Variants in RTF2 observed in about 807,000 individuals in gnomAD.
RTF2 encodes UPF0549 protein C20orf43.
RTF2 carries 18 observed loss-of-function variants against 38.0 expected under a neutral mutation model. That is an observed-to-expected ratio of 0.47 (90% confidence interval 0.33 to 0.70). The LOEUF is 0.70. RTF2 is among the 30% of genes least tolerant of loss of function. The pLI is 0.02. For missense variants in RTF2, 311 were observed against 379.6 expected (o/e 0.82, Z 1.50); for synonymous variants, 126 against 137.1 (o/e 0.92, Z 0.57).
At chr20:56,498,714 T>C (rs79863442) in intron 5 of RTF2, among the ~76,000 whole-genome samples, 1 of 152,230 alleles carries the variant, frequency 6.6e-6, no homozygotes, top group African/African-American at 2.4e-5. Context: ...GGGAAGAAGA[T>C]TGATAGGTAA....
chr20:56,510,047 A>G (rs189527299), intron 5 of RTF2, among the ~76,000 whole-genome samples: 130 of 152,226 alleles, frequency 8.5e-4, no homozygotes, highest in Non-Finnish European at 1.5e-3. Context: ...AGAAGAGGCA[A>G]ATTTGTAGGA....
In RTF2 at chr20:56,514,536, G is replaced by A. The variant is rs561080429; in HGVS notation, c.591+1108G>A. The stretch of plus-strand genomic sequence containing the variant: ...ACCAGTGCCAGTCCGAGGCGAGAGT[G>A]ATGGAGTACCTGAAGATTTTTCAGA... On this transcript the variant is annotated intron_variant, in intron 6 of 8. Coordinates refer to ENST00000357348, the MANE Select transcript of RTF2 (RefSeq NM_016407.5). Among the ~76,000 whole-genome samples the A allele has an allele frequency of 7.9e-5, 12 of 152,276 alleles. No individual in the cohort carries two copies. In the East Asian group the frequency reaches 1.9e-3, roughly 25 times the overall value.
intron 4 of RTF2, among the ~76,000 whole-genome samples, chr20:56,477,354 G>A (rs1335892796): frequency 6.6e-6 from 1 of 151,976 alleles, no homozygotes; most frequent in Admixed American, 6.6e-5. Flanking sequence ...CGTTCTTGAG[G>A]TGGGGAAACA....
rs918012180 is a variant in RTF2, at chr20:56,471,565, C to A, written c.70-1736C>A. ...CCTGGGCGACAGAGCAAGACTCCGT[C>A]TCAAAAAAAAACAAAACAAAACAAA... On this transcript the variant is annotated intron_variant, in intron 1 of 8. Transcript: ENST00000357348. 58 of 128,482 alleles carry A rather than the reference C, an allele frequency of 4.5e-4. 2 individuals are homozygous for A. The allele number at this position is 128,482 out of a possible 1,614,324, so 8.0% of individuals were successfully genotyped here.
At chr20:56,495,285 G>C (rs1333451049) in intron 5 of RTF2, 25 of 1,551,128 alleles carry the variant, frequency 1.6e-5, no homozygotes, top group Non-Finnish European at 1.9e-5. Context: ...GTTTGGTGTA[G>C]CACCTGGAGC....
At chr20:56,506,709 T>C (rs898972431) in intron 5 of RTF2, among the ~76,000 whole-genome samples, 3 of 152,194 alleles carry the variant, frequency 2.0e-5, no homozygotes, top group Non-Finnish European at 4.4e-5. Flanking sequence ...ATTATAATTT[T>C]TTTTTTTGAG....
intron 5 of RTF2, among the ~76,000 whole-genome samples, chr20:56,503,145 A>T (rs1200930025): frequency 6.6e-6 from 1 of 152,220 alleles, no homozygotes; most frequent in South Asian, 2.1e-4. Context: ...CACATTGAAA[A>T]TGTGGTGTCT....
At chr20:56,497,451 C>A (rs1362146089) in intron 5 of RTF2, 1 of 1,531,230 alleles carries the variant, frequency 6.5e-7, no homozygotes, top group Non-Finnish European at 8.8e-7. Flanking sequence ...TAAAGCGGAA[C>A]ACAGTTCATC....
At chr20:56,506,252 G>A (rs908263127) in intron 5 of RTF2, among the ~76,000 whole-genome samples, 6 of 152,142 alleles carry the variant, frequency 3.9e-5, no homozygotes, top group Non-Finnish European at 8.8e-5. Flanking sequence ...CAGTGTAGTG[G>A]AGGAAACACA....
chr20:56,514,365 T>C (rs984882458), intron 6 of RTF2: 1 of 149,354 alleles, frequency 6.7e-6, no homozygotes, highest in African/African-American at 2.5e-5. Flanking sequence ...AAAAAAAAAG[T>C]TGGGTTCAGG....
intron 1 of RTF2, among the ~76,000 whole-genome samples, chr20:56,472,592 G>C (rs528592539): frequency 2.0e-5 from 3 of 151,476 alleles, no homozygotes; most frequent in Non-Finnish European, 2.9e-5. Flanking sequence ...AAAAATGCTT[G>C]TCTTCTCAGT....
intron 5 of RTF2, 111 bp downstream of exon 5, chr20:56,484,300 T>C (rs1982674017): frequency 1.6e-5 from 15 of 923,386 alleles, no homozygotes; most frequent in Non-Finnish European, 2.6e-5. Flanking sequence ...CATAAGTTGC[T>C]TTTCTGCTTC....
chr20:56,517,342 T>C (rs1985113890), intron 8 of RTF2, 141 bp downstream of exon 8: 1 of 664,778 alleles, frequency 1.5e-6, no homozygotes, highest in African/African-American at 1.8e-5. Flanking sequence ...CTGAACTCTC[T>C]TTAGGGGGGT....
intron 5 of RTF2, among the ~76,000 whole-genome samples, chr20:56,486,698 C>T (rs1352072229): frequency 6.6e-6 from 1 of 152,032 alleles, no homozygotes; most frequent in Non-Finnish European, 1.5e-5. Context: ...TAAAATTAAG[C>T]AGAAACAATG....
chr20:56,472,289 T>G (rs545100064), intron 1 of RTF2: 2 of 1,139,764 alleles, frequency 1.8e-6, no homozygotes, highest in South Asian at 2.8e-5. Flanking sequence ...TCTCTTCCTA[T>G]TTTCTTCCAA....
intron 5 of RTF2, among the ~76,000 whole-genome samples, chr20:56,493,658 A>G (rs77066943): frequency 1.1e-3 from 169 of 147,918 alleles, no homozygotes; most frequent in African/African-American, 4.1e-3. Context: ...CCCTGTCTCA[A>G]AAAAAAAAAA....
At chr20:56,507,055 G>C (rs943019270) in intron 5 of RTF2, among the ~76,000 whole-genome samples, 1 of 152,130 alleles carries the variant, frequency 6.6e-6, no homozygotes, top group Non-Finnish European at 1.5e-5. Flanking sequence ...AGTTTCAAGC[G>C]ATAAAAAGGA....
chr20:56,513,514 A>G (rs1244358402), intron 6 of RTF2, 86 bp downstream of exon 6: 2 of 1,514,530 alleles, frequency 1.3e-6, no homozygotes, highest in East Asian at 2.5e-5. Flanking sequence ...GCAGCTGCTT[A>G]GGGGTTTGCA....
chr20:56,484,710 G>A (rs1418779577), intron 5 of RTF2, among the ~76,000 whole-genome samples: 1 of 152,234 alleles, frequency 6.6e-6, no homozygotes, highest in African/African-American at 2.4e-5. Flanking sequence ...GCTCGCATGG[G>A]TGGCGAGTAA....
Sources: gnomAD v4.1 joint callset for allele counts (sites outside exome capture counted in the v4.1 genomes callset) on GRCh38, gnomAD v4.1.1 for gene constraint, MANE v1.5 for transcripts, NCBI Gene and HGNC (gene_info 2026-07-23, HGNC 2026-07-21) for gene names.